FERRY3: variants seen among roughly 807,000 people sequenced by gnomAD.
FERRY3 encodes the protein protein C12orf4.
the FERRY3 span, among the ~76,000 whole-genome samples, chr12:4,495,967 A>G: frequency 6.6e-6 from 1 of 152,342 alleles, no homozygotes; most frequent in East Asian, 1.9e-4. Context: ...TAATTCTCAG[A>G]TGATATAAAC....
the FERRY3 span, among the ~76,000 whole-genome samples, chr12:4,522,202 C>T: frequency 1.5e-4 from 23 of 152,100 alleles, no homozygotes; most frequent in Admixed American, 1.5e-3. Context: ...TTGCTGTGAA[C>T]CTAAAACTAC....
the FERRY3 span, chr12:4,490,409 G>A: frequency 4.1e-6 from 3 of 727,038 alleles, no homozygotes; most frequent in African/African-American, 3.8e-5. Flanking sequence ...AAAACAGAAA[G>A]CGATTAGCCT....
the FERRY3 span, among the ~76,000 whole-genome samples, chr12:4,521,053 T>C: frequency 6.6e-6 from 1 of 151,886 alleles, no homozygotes; most frequent in Non-Finnish European, 1.5e-5. Flanking sequence ...CAGTAATCAG[T>C]TAAAAAAAAG....
the FERRY3 span, chr12:4,489,851 T>C: frequency 3.1e-6 from 5 of 1,611,562 alleles, no homozygotes; most frequent in Non-Finnish European, 4.2e-6. Context: ...ACTCGGAAGA[T>C]CTGGGGAAGC....
At chr12:4,515,087 TAAATA>T in the FERRY3 span, among the ~76,000 whole-genome samples, 71 of 152,100 alleles carry the variant, frequency 4.7e-4, 1 homozygote, top group African/African-American at 1.6e-3. Flanking sequence ...TAATAATAAA[TAAATA>T]AAGAATAAAA....
chr12:4,491,291 A>G, the FERRY3 span: 1 of 1,490,764 alleles, frequency 6.7e-7, no homozygotes, highest in African/African-American at 1.4e-5. Context: ...TATAAAAAAT[A>G]AAGTCAGATC....
the FERRY3 span, among the ~76,000 whole-genome samples, chr12:4,530,621 G>A: frequency 7.2e-5 from 11 of 152,274 alleles, no homozygotes; most frequent in East Asian, 2.1e-3. Context: ...CAAGATAAAT[G>A]TGTAATTATG....
chr12:4,534,412 TTTA>T, the FERRY3 span: 2 of 1,257,646 alleles, frequency 1.6e-6, no homozygotes, highest in African/African-American at 3.1e-5. Context: ...ATTTTTATTT[TTTA>T]TTTAGAGATG....
chr12:4,506,838 T>A, the FERRY3 span, among the ~76,000 whole-genome samples: 1 of 152,144 alleles, frequency 6.6e-6, no homozygotes, highest in Non-Finnish European at 1.5e-5. Flanking sequence ...TGTCTTAGAA[T>A]AAACAAGTAA....
At chr12:4,528,976 C>T in the FERRY3 span, among the ~76,000 whole-genome samples, 1 of 150,308 alleles carries the variant, frequency 6.7e-6, no homozygotes, top group Admixed American at 6.6e-5. Flanking sequence ...CTCTCACAAT[C>T]AAAGCAACAC....
chr12:4,505,265 G>T, the FERRY3 span: 1 of 1,272,562 alleles, frequency 7.9e-7, no homozygotes, highest in Non-Finnish European at 1.1e-6. Context: ...ACATCTTTTG[G>T]TATAAGAAAA....
At chr12:4,509,248 C>T in the FERRY3 span, 401 of 153,534 alleles carry the variant, frequency 2.6e-3, 2 homozygotes, top group African/African-American at 8.7e-3. Context: ...GAGGGTCCTA[C>T]GCCCACGGAG....
chr12:4,490,426 T>G, the FERRY3 span: 6 of 922,468 alleles, frequency 6.5e-6, no homozygotes, highest in Non-Finnish European at 9.6e-6. Flanking sequence ...GCCTTTTGTG[T>G]TGTTTTTGGG....
chr12:4,534,394 A>T, the FERRY3 span: 5 of 1,372,292 alleles, frequency 3.6e-6, no homozygotes, highest in Admixed American at 5.0e-5. Context: ...GTGAAATCTT[A>T]TTGTTAAATT....
At chr12:4,526,954 C>CTGG in the FERRY3 span, among the ~76,000 whole-genome samples, 1 of 151,944 alleles carries the variant, frequency 6.6e-6, no homozygotes, top group African/African-American at 2.4e-5. Flanking sequence ...TATATACCTT[C>CTGG]TGGTAGTAAA....
At chr12:4,522,533 T>C in the FERRY3 span, among the ~76,000 whole-genome samples, 1 of 152,216 alleles carries the variant, frequency 6.6e-6, no homozygotes, top group African/African-American at 2.4e-5. Flanking sequence ...GATGAAGATA[T>C]GGAACACCTG....
chr12:4,536,038 A>G, the FERRY3 span: 1 of 1,584,496 alleles, frequency 6.3e-7, no homozygotes, highest in Non-Finnish European at 8.6e-7. Context: ...AAGCACGGTA[A>G]ACTGTGCAGC....
At chr12:4,538,469 T>C in the FERRY3 span, 35 of 178,740 alleles carry the variant, frequency 2.0e-4, no homozygotes, top group Middle Eastern at 2.7e-3. Context: ...CGTCCTGCAC[T>C]GGGAAACCAG....
the FERRY3 span, chr12:4,536,181 C>A: frequency 6.3e-7 from 1 of 1,586,256 alleles, no homozygotes; most frequent in Non-Finnish European, 8.6e-7. Context: ...GAATCTTTCT[C>A]TGTTTTTCTT....
Sources: allele counts gnomAD v4.1 joint callset (sites outside exome capture counted in the v4.1 genomes callset), GRCh38; gene constraint gnomAD v4.1.1; transcripts MANE v1.5; gene names NCBI Gene and HGNC (gene_info 2026-07-23, HGNC 2026-07-21).